Variants in NLGN1 observed in about 807,000 individuals in gnomAD.
The protein encoded by NLGN1 is neuroligin 1, also known as neuroligin-1.
NLGN1 carries 12 observed loss-of-function variants against 65.5 expected under a neutral mutation model. The observed-to-expected ratio is 0.18, with a 90% CI of 0.12 to 0.30. NLGN1 has a LOEUF of 0.30. NLGN1 is among the 10% of genes least tolerant of loss of function. NLGN1 has a pLI of 1.00. For synonymous variants in NLGN1, 350 were observed against 359.5 expected (o/e 0.97, Z 0.30); for missense variants, 750 against 1,007.1 (o/e 0.74, Z 3.46).
intron 3 of NLGN1, among the ~76,000 whole-genome samples, chr3:173,729,911 T>C (rs996050201): frequency 6.6e-6 from 1 of 152,002 alleles, no homozygotes; most frequent in South Asian, 2.1e-4. Context: ...TGCATATCTA[T>C]TTGTTTCAGA....
rs147223978 is a variant in NLGN1, at chr3:173,827,035, T to G, written c.646+19203T>G. 3.9e-5 allele frequency among the ~76,000 whole-genome samples: 6 copies of G among 152,148 alleles called. No individual in the cohort carries two copies. The East Asian group carries it at 1.2e-3, about 29-fold the overall frequency. On this transcript the variant is annotated intron_variant, in intron 4 of 6. Transcript: ENST00000457714. Reference sequence around the variant, plus strand: ...GGAAGCTGGAAAATCTACCTCTGATTAGGTGATTAGGAAAGAATGCTCTAA... The same window carrying G: ...GGAAGCTGGAAAATCTACCTCTGATGAGGTGATTAGGAAAGAATGCTCTAA...
intron 4 of NLGN1, among the ~76,000 whole-genome samples, chr3:173,870,577 T>A (rs1730986165): frequency 6.6e-6 from 1 of 152,188 alleles, no homozygotes; most frequent in South Asian, 2.1e-4. Context: ...GGATGAGAAA[T>A]TTATCTGGCT....
At chr3:173,877,516 T>A (rs979303178) in intron 4 of NLGN1, among the ~76,000 whole-genome samples, 7 of 152,050 alleles carry the variant, frequency 4.6e-5, no homozygotes, top group Non-Finnish European at 8.8e-5. Flanking sequence ...CTGCAGAAAC[T>A]TGAGTAAGTT....
At chr3:173,517,798 CT>C (rs1734085521) in intron 2 of NLGN1, among the ~76,000 whole-genome samples, 1 of 151,220 alleles carries the variant, frequency 6.6e-6, no homozygotes, top group Non-Finnish European at 1.5e-5. Context: ...ATCTATCTAT[CT>C]ATCATATCTA....
rs1754895091 is a variant in NLGN1 at position 173,626,827 on chromosome 3, G to A, written c.493+21736G>A. Among the ~76,000 whole-genome samples, 3 of 151,978 alleles carry A rather than the reference G, an allele frequency of 2.0e-5. No homozygotes were observed. The South Asian group carries it at 6.2e-4, about 32-fold the overall frequency. Reference sequence around the variant, plus strand: ...AGATTTAAAATAGATTATTATAACTGGTGACTTTTCAAATAATTTCTTCAA... The same window carrying A: ...AGATTTAAAATAGATTATTATAACTAGTGACTTTTCAAATAATTTCTTCAA... On this transcript the variant is annotated intron_variant, in intron 3 of 6. Transcript: ENST00000457714.
At chr3:173,439,029 A>G (rs1718662181) in intron 2 of NLGN1, among the ~76,000 whole-genome samples, 1 of 152,190 alleles carries the variant, frequency 6.6e-6, no homozygotes, top group African/African-American at 2.4e-5. Flanking sequence ...AAACAGCTTG[A>G]CAAATATCTC....
At chr3:173,629,188 A>G (rs569189310) in intron 3 of NLGN1, among the ~76,000 whole-genome samples, 2 of 151,808 alleles carry the variant, frequency 1.3e-5, no homozygotes, top group East Asian at 3.9e-4. Flanking sequence ...TCAGTCTTCT[A>G]GACAGGAGGA....
intron 3 of NLGN1, among the ~76,000 whole-genome samples, chr3:173,734,154 T>A (rs7652178): frequency 0.6 from 90,507 of 151,698 alleles, 27,102 homozygotes; most frequent in East Asian, 0.74. Flanking sequence ...TTTTTTCATT[T>A]TAGGAAATTC....
chr3:173,732,805 A>T (rs1384405172), intron 3 of NLGN1, among the ~76,000 whole-genome samples: 1 of 152,078 alleles, frequency 6.6e-6, no homozygotes, highest in African/African-American at 2.4e-5. Context: ...GACTTTTATT[A>T]GTAGATGTTT....
intron 1 of NLGN1, among the ~76,000 whole-genome samples, chr3:173,426,547 C>T (rs1202461899): frequency 6.6e-6 from 1 of 151,982 alleles, no homozygotes; most frequent in East Asian, 1.9e-4. Flanking sequence ...ACAGATGCTA[C>T]ATTTTATCAA....
rs562047396 is a variant in NLGN1, at chr3:173,654,334, A to G, written c.493+49243A>G. Among the ~76,000 whole-genome samples the G allele has an allele frequency of 2.6e-5, 4 of 152,278 alleles. No homozygotes were observed. In the South Asian group the frequency reaches 8.3e-4, roughly 32 times the overall value. On this transcript the variant is annotated intron_variant, in intron 3 of 6. Coordinates refer to ENST00000457714, the Ensembl canonical transcript of NLGN1. Reference sequence around the variant, plus strand: ...ATTTTACCTTAAACACCTTAATAATACTAGTAATATCTTATAAAACATTAA... The same window carrying G: ...ATTTTACCTTAAACACCTTAATAATGCTAGTAATATCTTATAAAACATTAA...
chr3:173,710,742 T>C (rs779339507), intron 3 of NLGN1, among the ~76,000 whole-genome samples: 2 of 152,192 alleles, frequency 1.3e-5, no homozygotes, highest in Non-Finnish European at 2.9e-5. Context: ...TGGCACACTT[T>C]GGAGGCAATG....
At chr3:173,804,392 C>T (rs1415329475) in intron 3 of NLGN1, among the ~76,000 whole-genome samples, 2 of 151,872 alleles carry the variant, frequency 1.3e-5, no homozygotes, top group Non-Finnish European at 1.5e-5. Flanking sequence ...TCACAAATTC[C>T]ACTATATTTA....
intron 3 of NLGN1, among the ~76,000 whole-genome samples, chr3:173,764,270 A>T (rs1778424542): frequency 6.6e-6 from 1 of 152,112 alleles, no homozygotes; most frequent in Admixed American, 6.6e-5. Context: ...ATCTTAACTG[A>T]CCTGGAAGCC....
intron 2 of NLGN1, among the ~76,000 whole-genome samples, chr3:173,458,553 T>TC (rs938390431): frequency 3.6e-4 from 55 of 152,138 alleles, no homozygotes; most frequent in Middle Eastern, 3.4e-3. Flanking sequence ...TACAGACTCC[T>TC]CCCCAAACTC....
intron 4 of NLGN1, among the ~76,000 whole-genome samples, chr3:174,174,024 T>C (rs1181434499): frequency 2.0e-5 from 3 of 152,064 alleles, no homozygotes; most frequent in Admixed American, 6.6e-5. Flanking sequence ...GTCTTTCTTA[T>C]GCCTTTGCAT....
chr3:173,478,869 G>A (rs1726746887), intron 2 of NLGN1, among the ~76,000 whole-genome samples: 1 of 151,646 alleles, frequency 6.6e-6, no homozygotes, highest in Non-Finnish European at 1.5e-5. Flanking sequence ...TCCAGCATGG[G>A]AGACAGAGCA....
At chr3:173,782,594 A>G (rs1478331712) in intron 3 of NLGN1, among the ~76,000 whole-genome samples, 1 of 151,810 alleles carries the variant, frequency 6.6e-6, no homozygotes, top group African/African-American at 2.4e-5. Context: ...AACTGTAGGT[A>G]TTTTATCTAT....
At chr3:173,768,484 C>T (rs751809150) in intron 3 of NLGN1, among the ~76,000 whole-genome samples, 1 of 152,116 alleles carries the variant, frequency 6.6e-6, no homozygotes, top group African/African-American at 2.4e-5. Flanking sequence ...GATTTTTCTT[C>T]TCAAGCACAC....
Sources: allele counts gnomAD v4.1 joint callset (sites outside exome capture counted in the v4.1 genomes callset), GRCh38; gene constraint gnomAD v4.1.1; transcripts MANE v1.5; gene names NCBI Gene and HGNC (gene_info 2026-07-23, HGNC 2026-07-21).